Variants in CEP162 observed in about 807,000 individuals in gnomAD.
CEP162 encodes centrosomal protein 162.
In CEP162, 141 loss-of-function variants were observed where a neutral mutation model predicts 169.2. The observed-to-expected ratio is 0.83, with a 90% CI of 0.73 to 0.96. The LOEUF (loss-of-function observed/expected upper bound fraction) is 0.96, where lower values mean the gene tolerates loss of function less well. CEP162 is among the 40% of genes least tolerant of loss of function. The pLI is 0.00. For missense variants in CEP162, 1,600 were observed against 1,587.2 expected (o/e 1.01, Z -0.14); for synonymous variants, 540 against 526.4 (o/e 1.03, Z -0.35).
chr6:84,205,372 C>A lies in CEP162; in HGVS notation c.572-1276G>T, dbSNP rs9449838. ...AGCACATCAAAAAGCTTATCCACCACGATCAAGTTGGCTTCATCCCTGGGA... is the reference window on the plus strand; with the variant it reads ...AGCACATCAAAAAGCTTATCCACCAAGATCAAGTTGGCTTCATCCCTGGGA... On this transcript the variant is annotated intron_variant, in intron 6 of 26. Transcript: ENST00000403245. 1.2e-3 allele frequency among the ~76,000 whole-genome samples: 182 copies of A among 152,238 alleles called. 3 individuals are homozygous for A. Among genetic ancestry groups the A allele is most frequent in the African/African-American group, 4.2e-3 (174 of 41,512 alleles).
intron 11 of CEP162, among the ~76,000 whole-genome samples, chr6:84,189,935 C>G (rs919217917): frequency 5.9e-5 from 9 of 152,088 alleles, no homozygotes; most frequent in Non-Finnish European, 1.3e-4. Context: ...CTGTACCAAT[C>G]GACACTCTGT....
chr6:84,214,940 T>G (rs576962361), intron 5 of CEP162, among the ~76,000 whole-genome samples: 1 of 152,316 alleles, frequency 6.6e-6, no homozygotes, highest in Non-Finnish European at 1.5e-5. Flanking sequence ...TTCTGTTATT[T>G]TTTTTCCTGA....
intron 1 of CEP162, among the ~76,000 whole-genome samples, 170 bp from the exon 2 acceptor site, chr6:84,226,622 A>C (rs2099555848): frequency 6.6e-6 from 1 of 152,224 alleles, no homozygotes; most frequent in South Asian, 2.1e-4. Context: ...GATTTGGAAA[A>C]GCAGCTTTGA....
rs202138637 is a variant in CEP162, at chr6:84,175,234, A to T, written c.1777T>A (p.Ser593Thr). Residue 593 changes from serine (S) to threonine (T), a missense_variant, in exon 14 of 27, where the codon TCC (serine) becomes ACC (threonine). Physicochemically the swap from Ser to Thr is moderately conservative, Grantham distance 58. Transcript: ENST00000403245. ...KKSENPTETDSCIQFQTDSLG... is the reference protein window; with the variant it reads ...KKSENPTETDTCIQFQTDSLG... ...CCTACAGTCTGAAACTGAATACAGGAATCAGTTTCTGTGGGATTTTCAGAC... is the reference window on the plus strand; with the variant it reads ...CCTACAGTCTGAAACTGAATACAGGTATCAGTTTCTGTGGGATTTTCAGAC... 1 of 1,540,198 alleles carries T rather than the reference A, an allele frequency of 6.5e-7. No homozygotes were observed. The highest frequency in any genetic ancestry group is 8.8e-7 in the Non-Finnish European group (1 of 1,140,578).
rs2099521689 is a variant in CEP162, at chr6:84,152,925, A to G, written c.3249T>C (p.Ala1083=). 6.2e-7 allele frequency: 1 copy of G among 1,613,692 alleles called. No individual in the cohort carries two copies. The highest frequency in any genetic ancestry group is 1.3e-5 in the African/African-American group (1 of 74,922). ...CATTGAGTCTTACTAATTTAGCTTT[A>G]GCATGAGCCTGTTCCACCTGGAATT... ...SIEFQVEQAH[A]KAKLVRLNEE... is the part of the protein sequence containing the mutation. Residue 1083 remains alanine, a synonymous_variant, in exon 23 of 27, where the codon GCT becomes GCC. Coordinates refer to ENST00000403245, the MANE Select transcript of CEP162 (RefSeq NM_014895.4).
Position 84,161,789 on chromosome 6 carries a change from C to T in CEP162, c.2633G>A (p.Arg878Gln), listed in dbSNP as rs1334712857. Residue 878 changes from arginine (R) to glutamine (Q), a missense_variant, in exon 20 of 27, where the codon CGG becomes CAG. Coordinates refer to ENST00000403245, the MANE Select transcript of CEP162 (RefSeq NM_014895.4). Reference protein sequence around the residue: ...NQELLDKDALRLREANEEIEK... With the variant: ...NQELLDKDALQLREANEEIEK... Reference sequence around the variant, plus strand: ...AATTTCCTCATTTGCTTCTCTAAGCCGAAGTGCATCTTTATCCAGAAGTTC... The same window carrying T: ...AATTTCCTCATTTGCTTCTCTAAGCTGAAGTGCATCTTTATCCAGAAGTTC... The T allele has an allele frequency of 3.7e-6, 6 of 1,600,754 alleles. No individual in the cohort carries two copies. The highest frequency in any genetic ancestry group is 2.2e-5 in the East Asian group (1 of 44,562).
intron 11 of CEP162, 107 bp from the exon 12 acceptor site, chr6:84,186,730 T>A: frequency 2.0e-5 from 17 of 862,624 alleles, no homozygotes; most frequent in Non-Finnish European, 2.8e-5. Flanking sequence ...ATATTTGAAT[T>A]GTTAACTATT....
intron 2 of CEP162, among the ~76,000 whole-genome samples, chr6:84,223,653 T>C (rs1256820339): frequency 1.3e-5 from 2 of 152,026 alleles, no homozygotes; most frequent in Non-Finnish European, 2.9e-5. Flanking sequence ...ACACCTGTAA[T>C]CCCAGCACTT....
At chr6:84,132,641 C>T (rs560584030) in intron 25 of CEP162, among the ~76,000 whole-genome samples, 2 of 152,164 alleles carry the variant, frequency 1.3e-5, no homozygotes, top group Non-Finnish European at 2.9e-5. Flanking sequence ...GAATTGGCTA[C>T]TGAAGCTTGT....
At chr6:84,183,050 A>G (rs2099535598) in intron 13 of CEP162, among the ~76,000 whole-genome samples, 2 of 152,200 alleles carry the variant, frequency 1.3e-5, no homozygotes, top group South Asian at 4.1e-4. Context: ...AAAAACAGAG[A>G]TTAAAAATAT....
intron 11 of CEP162, among the ~76,000 whole-genome samples, chr6:84,189,570 C>T (rs558166747): frequency 1.8e-4 from 28 of 152,314 alleles, no homozygotes; most frequent in Middle Eastern, 6.8e-3. Flanking sequence ...ACCGGCGCTG[C>T]GCTCGATTTC....
chr6:84,188,495 T>C (rs1230451843), intron 11 of CEP162, among the ~76,000 whole-genome samples: 1 of 152,218 alleles, frequency 6.6e-6, no homozygotes, highest in Non-Finnish European at 1.5e-5. Flanking sequence ...TTGTTTTCTG[T>C]TCCTGCATTA....
chr6:84,142,062 C>T (rs1378456604), intron 25 of CEP162, among the ~76,000 whole-genome samples: 1 of 151,928 alleles, frequency 6.6e-6, no homozygotes, highest in Non-Finnish European at 1.5e-5. Context: ...ACATTTGAGA[C>T]TAAAGAAAAA....
At chr6:84,213,620 G>C (rs1011544741) in intron 5 of CEP162, among the ~76,000 whole-genome samples, 5 of 152,150 alleles carry the variant, frequency 3.3e-5, no homozygotes, top group Admixed American at 2.0e-4. Context: ...GAGATCGTTA[G>C]AGAAACTATA....
intron 13 of CEP162, among the ~76,000 whole-genome samples, chr6:84,184,589 T>G (rs776224916): frequency 6.6e-6 from 1 of 152,122 alleles, no homozygotes; most frequent in African/African-American, 2.4e-5. Context: ...GGATTCCACA[T>G]GCTCTCAGGA....
At chr6:84,161,950 CA>C in intron 19 of CEP162, 41 bp from the exon 20 acceptor site, 2 of 1,217,268 alleles carry the variant, frequency 1.6e-6, no homozygotes, top group Non-Finnish European at 2.3e-6. Context: ...TGTTGTTCTC[CA>C]AAATATGGAA....
In CEP162 at chr6:84,201,717, T is replaced by C. The variant is rs2099544594; in HGVS notation, c.718+20A>G. ...GACTAATTTTTTGCCAACTAAAACA[T>C]GAATATAAATAATATTTACCATTAG... is the stretch of plus-strand genomic sequence containing the variant. On this transcript the variant is annotated intron_variant, in intron 8 of 26. Coordinates refer to ENST00000403245, the MANE Select transcript of CEP162 (RefSeq NM_014895.4). 7 of 1,232,924 alleles carry C rather than the reference T, an allele frequency of 5.7e-6. No homozygotes were observed. Among genetic ancestry groups the C allele is most frequent in the South Asian group, 1.4e-5 (1 of 69,626 alleles). The allele number at this position is 1,232,924 out of a possible 1,614,324, so 76.4% of individuals were successfully genotyped here.
At chr6:84,140,848 T>C (rs2099516277) in intron 25 of CEP162, among the ~76,000 whole-genome samples, 1 of 152,258 alleles carries the variant, frequency 6.6e-6, no homozygotes, top group South Asian at 2.1e-4. Context: ...ACCATAAAAA[T>C]AGCTTACTGG....
At chr6:84,220,329 A>G (rs960762325) in intron 3 of CEP162, among the ~76,000 whole-genome samples, 2 of 152,172 alleles carry the variant, frequency 1.3e-5, no homozygotes, top group Non-Finnish European at 2.9e-5. Flanking sequence ...AGTATCATGT[A>G]TAGTAAACCT....
Sources: gnomAD v4.1 joint callset for allele counts (sites outside exome capture counted in the v4.1 genomes callset) on GRCh38, gnomAD v4.1.1 for gene constraint, MANE v1.5 for transcripts, NCBI Gene and HGNC (gene_info 2026-07-23, HGNC 2026-07-21) for gene names.